WDR48: variants seen among roughly 807,000 people sequenced by gnomAD.
WDR48 encodes WD repeat domain 48.
A neutral mutation model predicts 94.0 loss-of-function variants in WDR48; 22 were observed. The ratio of observed to expected loss-of-function variants is 0.23; its 90% confidence interval spans 0.17 to 0.33. WDR48 has a LOEUF of 0.33. Among genes scored for constraint, WDR48 ranks in the 10% least tolerant of loss-of-function variants. The pLI, the probability that WDR48 is intolerant of heterozygous loss-of-function variation, is 1.00. For synonymous variants in WDR48, 278 were observed against 280.5 expected, an observed-to-expected ratio of 0.99 and a Z score of 0.09; for missense variants, 541 against 813.8, an observed-to-expected ratio of 0.66 and a Z score of 4.08.
chr3:39,054,493 T>C (rs2032721831), intron 1 of WDR48, among the ~76,000 whole-genome samples: 1 of 152,268 alleles, frequency 6.6e-6, no homozygotes, highest in South Asian at 2.1e-4. Flanking sequence ...TACCTCTTGC[T>C]GTTTGTGTAC....
At chr3:39,075,190 CTTTTTT>C (rs11353487) in intron 8 of WDR48, among the ~76,000 whole-genome samples, 2 of 110,490 alleles carry the variant, frequency 1.8e-5, no homozygotes, top group Non-Finnish European at 1.8e-5. Flanking sequence ...TTGTGTTTTG[CTTTTTT>C]TTTTTTTTTT....
chr3:39,075,020 G>A, intron 8 of WDR48, 70 bp downstream of exon 8: 11 of 1,477,080 alleles, frequency 7.4e-6, no homozygotes, highest in Non-Finnish European at 9.2e-6. Flanking sequence ...TAGAGCAAAA[G>A]CTATATTAAA....
intron 11 of WDR48, among the ~76,000 whole-genome samples, chr3:39,082,220 G>C (rs142010311): frequency 4.6e-5 from 7 of 152,116 alleles, no homozygotes; most frequent in African/African-American, 1.7e-4. Context: ...TGGGAACAAG[G>C]GGGATGGAAA....
rs1440598659 is a variant in WDR48, at chr3:39,063,238, C to CT, written c.189+52dup. 1.9e-6 allele frequency: 3 copies of CT among 1,599,424 alleles called. No individual in the cohort carries two copies. In the African/African-American group the frequency reaches 4.0e-5, roughly 22 times the overall value. ...TACCCAGCAAATTCTGGACAAATGGCTTTTACTGTCTAATATGACACTTTT... is the reference window on the plus strand; with the variant it reads ...TACCCAGCAAATTCTGGACAAATGGCTTTTTACTGTCTAATATGACACTTTT... On this transcript the variant is annotated intron_variant, in intron 2 of 18. Transcript: ENST00000302313.
intron 11 of WDR48, 67 bp downstream of exon 11, chr3:39,079,875 G>A (rs1242627536): frequency 1.2e-6 from 1 of 863,682 alleles, no homozygotes; most frequent in Non-Finnish European, 1.7e-6. Flanking sequence ...TTTATTTTTT[G>A]TATGTGATAA....
intron 7 of WDR48, among the ~76,000 whole-genome samples, chr3:39,073,125 G>C (rs72859525): frequency 0.083 from 12,555 of 152,142 alleles, 735 homozygotes; most frequent in African/African-American, 0.16. Flanking sequence ...GGATCTGAGG[G>C]ATCAAAGCTT....
chr3:39,058,755 A>G (rs2033065197), intron 1 of WDR48, among the ~76,000 whole-genome samples: 1 of 152,182 alleles, frequency 6.6e-6, no homozygotes, highest in Non-Finnish European at 1.5e-5. Context: ...TCTTGGAGCT[A>G]TTATTCTAAT....
chr3:39,085,756 G>A, intron 14 of WDR48, 146 bp downstream of exon 14: 1 of 670,638 alleles, frequency 1.5e-6, no homozygotes, highest in East Asian at 2.8e-5. Flanking sequence ...CTCAAAGTAG[G>A]AACATCCATC....
At chr3:39,075,075 A>C (rs2034142882) in intron 8 of WDR48, 125 bp downstream of exon 8, 1 of 928,194 alleles carries the variant, frequency 1.1e-6, no homozygotes, top group Non-Finnish European at 1.6e-6. Context: ...TTTGTAAAAA[A>C]GATATTCCAT....
chr3:39,073,540 G>A (rs1225378407), intron 7 of WDR48, among the ~76,000 whole-genome samples: 5 of 152,088 alleles, frequency 3.3e-5, no homozygotes, highest in African/African-American at 1.2e-4. Context: ...TCATACTCCA[G>A]CACCAGCAAT....
intron 18 of WDR48, 23 bp from the exon 19 acceptor site, chr3:39,094,625 T>A: frequency 6.2e-7 from 1 of 1,613,854 alleles, no homozygotes; most frequent in Non-Finnish European, 8.5e-7. Context: ...TTGAAATTTT[T>A]AAATTTAATT....
chr3:39,091,722 T>C, intron 17 of WDR48, 21 bp downstream of exon 17: 1 of 1,567,248 alleles, frequency 6.4e-7, no homozygotes, highest in South Asian at 1.2e-5. Context: ...ATATGGTTTC[T>C]TGATCTAATT....
chr3:39,088,022 A>G, intron 14 of WDR48, 106 bp from the exon 15 acceptor site: 3 of 1,054,876 alleles, frequency 2.8e-6, no homozygotes, highest in Non-Finnish European at 4.2e-6. Flanking sequence ...CTTAGAGGAC[A>G]TTTGAATTTA....
intron 12 of WDR48, among the ~76,000 whole-genome samples, 157 bp downstream of exon 12, chr3:39,084,419 C>T (rs2034702017): frequency 6.6e-6 from 1 of 151,202 alleles, no homozygotes; most frequent in African/African-American, 2.4e-5. Context: ...AAGAAAAAAA[C>T]AAAATTAAAA....
intron 11 of WDR48, among the ~76,000 whole-genome samples, chr3:39,083,176 G>A (rs1559620765): frequency 6.6e-6 from 1 of 152,200 alleles, no homozygotes; most frequent in Non-Finnish European, 1.5e-5. Context: ...GGTAGAGTGA[G>A]TTGAGTAGTG....
At chr3:39,075,691 C>T (rs527539720) in intron 8 of WDR48, among the ~76,000 whole-genome samples, 44 of 151,992 alleles carry the variant, frequency 2.9e-4, no homozygotes, top group African/African-American at 1.0e-3. Context: ...GAAGAAGTTT[C>T]CAAAATTTTT....
At chr3:39,055,341 C>T (rs969812091) in intron 1 of WDR48, among the ~76,000 whole-genome samples, 4 of 152,150 alleles carry the variant, frequency 2.6e-5, no homozygotes, top group Non-Finnish European at 5.9e-5. Context: ...ATAAAAATTG[C>T]CGGCATGGTG....
chr3:39,081,413 G>T (rs2034529609), intron 11 of WDR48, among the ~76,000 whole-genome samples: 1 of 152,192 alleles, frequency 6.6e-6, no homozygotes, highest in African/African-American at 2.4e-5. Flanking sequence ...CATTGCTTCA[G>T]AATGAGAGGC....
chr3:39,058,816 C>T (rs909776578), intron 1 of WDR48, among the ~76,000 whole-genome samples: 2 of 152,160 alleles, frequency 1.3e-5, no homozygotes, highest in African/African-American at 2.4e-5. Flanking sequence ...GTGGCTCACA[C>T]CTGTAATCCC....
Sources: gnomAD v4.1 joint callset for allele counts (sites outside exome capture counted in the v4.1 genomes callset) on GRCh38, gnomAD v4.1.1 for gene constraint, MANE v1.5 for transcripts, NCBI Gene and HGNC (gene_info 2026-07-23, HGNC 2026-07-21) for gene names.